Variants in NBAS observed in about 807,000 individuals in gnomAD.
The protein encoded by NBAS is NAG/BC035112 fusion.
In NBAS, 219 loss-of-function variants were observed where a neutral mutation model predicts 302.5. That is an observed-to-expected ratio of 0.72 (90% CI 0.65 to 0.81). The LOEUF (loss-of-function observed/expected upper bound fraction) is 0.81, where lower values mean the gene tolerates loss of function less well. Among genes scored for constraint, NBAS ranks in the 30% least tolerant of loss-of-function variants. NBAS has a pLI of 0.00. For synonymous variants in NBAS, 1,118 were observed against 1,021.6 expected (o/e 1.09, Z -1.80); for missense variants, 2,932 against 2,841.6 (o/e 1.03, Z -0.72).
chr2:15,535,682 G>A (rs549940547), intron 8 of NBAS, among the ~76,000 whole-genome samples: 37 of 152,074 alleles, frequency 2.4e-4, no homozygotes, highest in African/African-American at 8.7e-4. Flanking sequence ...TAAATGCTAT[G>A]TAAATAGTAG....
At chr2:15,212,949 C>A (rs1371471306) in intron 48 of NBAS, among the ~76,000 whole-genome samples, 1 of 152,118 alleles carries the variant, frequency 6.6e-6, no homozygotes, top group African/African-American at 2.4e-5. Flanking sequence ...GGTATCTAAA[C>A]CTTTAGGGTA....
intron 9 of NBAS, among the ~76,000 whole-genome samples, chr2:15,528,401 T>A (rs13382647): frequency 1.4e-5 from 2 of 147,920 alleles, no homozygotes; most frequent in Non-Finnish European, 1.5e-5. Context: ...ACAATATGAA[T>A]GTTTATATTA....
chr2:15,176,878 C>A (rs934665350), intron 51 of NBAS, among the ~76,000 whole-genome samples: 1 of 152,024 alleles, frequency 6.6e-6, no homozygotes, highest in African/African-American at 2.4e-5. Flanking sequence ...TACAACTGAA[C>A]GTGAATTTAA....
chr2:15,106,061 G>A, the NBAS span, among the ~76,000 whole-genome samples: 21 of 152,178 alleles, frequency 1.4e-4, no homozygotes, highest in Non-Finnish European at 2.2e-4. Context: ...TAAATCAGTC[G>A]ATAAACGAAA....
At position 15,190,268 on chromosome 2, in the gene NBAS, A is replaced by C; in HGVS notation, c.6568T>G (p.Tyr2190Asp). The change falls in exon 49 of 52, where the codon TAT becomes GAT. Residue 2190 changes from tyrosine (Y) to aspartate (D), a missense_variant. Tyr to Asp is a radical substitution (Grantham distance 160, BLOSUM62 -3). Coordinates refer to ENST00000281513, the MANE Select transcript of NBAS (RefSeq NM_015909.4). ...LQAWPPMKSE[Y>D]VITNNPWVRL... ...TAATTTTATGTTAATACTTACACAT[A>C]TTCACTTTTCATAGGTGGCCAAGCT... is the stretch of plus-strand genomic sequence containing the variant. 1.2e-6 allele frequency: 2 copies of C among 1,613,914 alleles called. No homozygotes were observed. Among genetic ancestry groups the C allele is most frequent in the Non-Finnish European group, 1.7e-6 (2 of 1,179,870 alleles).
chr2:14,848,074 G>T, the NBAS span, among the ~76,000 whole-genome samples: 1 of 152,124 alleles, frequency 6.6e-6, no homozygotes, highest in African/African-American at 2.4e-5. Flanking sequence ...AGGGGGAGGA[G>T]CCAAGATGGC....
the NBAS span, among the ~76,000 whole-genome samples, chr2:14,822,872 A>G: frequency 6.6e-6 from 1 of 152,200 alleles, no homozygotes; most frequent in Non-Finnish European, 1.5e-5. Flanking sequence ...GCACCAGACA[A>G]TATGCTAAAT....
the NBAS span, among the ~76,000 whole-genome samples, chr2:15,081,762 A>G: frequency 4.4e-4 from 67 of 152,176 alleles, 1 homozygote; most frequent in Non-Finnish European, 3.5e-4. Flanking sequence ...TGGTCAACCC[A>G]GGTGTGACTC....
At chr2:15,048,002 G>A in the NBAS span, among the ~76,000 whole-genome samples, 1 of 151,206 alleles carries the variant, frequency 6.6e-6, no homozygotes, top group African/African-American at 2.4e-5. Flanking sequence ...AGTCACAATT[G>A]TTTAAGTTTG....
chr2:15,428,929 T>A (rs1018369786), intron 21 of NBAS, among the ~76,000 whole-genome samples: 7 of 151,558 alleles, frequency 4.6e-5, no homozygotes, highest in African/African-American at 1.7e-4. Flanking sequence ...TCCCAGCTAC[T>A]CAGGAGGCTG....
the NBAS span, among the ~76,000 whole-genome samples, chr2:14,916,012 T>C: frequency 6.6e-6 from 1 of 152,178 alleles, no homozygotes; most frequent in African/African-American, 2.4e-5. Flanking sequence ...AAACTCTTTC[T>C]TTTGTAAATT....
In NBAS at chr2:15,218,768, C is replaced by T; in HGVS notation, c.6432+5G>A. On this transcript the variant is annotated splice_donor_5th_base_variant and intron_variant, in intron 48 of 51. Transcript: ENST00000281513. ...AGAAAAATAATCATTCAGACACTCCCTTACCTGTCTCTGGGGCCAGGAGGC... is the reference window on the plus strand; with the variant it reads ...AGAAAAATAATCATTCAGACACTCCTTTACCTGTCTCTGGGGCCAGGAGGC... 1.2e-6 allele frequency: 2 copies of T among 1,614,222 alleles called. No homozygotes were observed. Among genetic ancestry groups the T allele is most frequent in the South Asian group, 2.2e-5 (2 of 91,072 alleles).
At chr2:14,848,609 C>T in the NBAS span, among the ~76,000 whole-genome samples, 1 of 140,120 alleles carries the variant, frequency 7.1e-6, no homozygotes, top group African/African-American at 3.2e-5. Flanking sequence ...TCTGTAGGCT[C>T]CACCTCTGGG....
chr2:14,844,117 C>T, the NBAS span, among the ~76,000 whole-genome samples: 1 of 152,052 alleles, frequency 6.6e-6, no homozygotes, highest in Non-Finnish European at 1.5e-5. Context: ...CCCCAGGGAG[C>T]ACAGCTTGTG....
the NBAS span, among the ~76,000 whole-genome samples, chr2:15,128,421 T>C: frequency 2.6e-5 from 4 of 152,260 alleles, no homozygotes; most frequent in African/African-American, 4.8e-5. Flanking sequence ...GGCTAAGGGA[T>C]TGGGCCTCTT....
intron 38 of NBAS, among the ~76,000 whole-genome samples, chr2:15,322,560 A>G (rs1671860470): frequency 6.6e-6 from 1 of 152,190 alleles, no homozygotes; most frequent in South Asian, 2.1e-4. Flanking sequence ...GGAAATCATT[A>G]GCCATTAAAT....
rs142564474 is a variant in NBAS, at chr2:15,378,387, T to C, written c.3590+1215A>G. Among the ~76,000 whole-genome samples the C allele has an allele frequency of 6.8e-3, 1,029 of 152,154 alleles. 12 individuals carry two copies. Among genetic ancestry groups the C allele is most frequent in the African/African-American group, 0.022 (928 of 41,518 alleles). On this transcript the variant is annotated intron_variant, in intron 30 of 51. Transcript: ENST00000281513. Reference sequence around the variant, plus strand: ...GACACTGCAAACGAGAGTTGGAAAATGGCTAGTGGAAGAACAGCAGCGTAT... The same window carrying C: ...GACACTGCAAACGAGAGTTGGAAAACGGCTAGTGGAAGAACAGCAGCGTAT...
At chr2:14,864,430 A>G in the NBAS span, among the ~76,000 whole-genome samples, 27 of 152,158 alleles carry the variant, frequency 1.8e-4, no homozygotes, top group Admixed American at 1.8e-3. Flanking sequence ...TAGGGTAACC[A>G]GGTAGTGGCA....
intron 40 of NBAS, among the ~76,000 whole-genome samples, chr2:15,297,432 G>A (rs867198055): frequency 3.2e-4 from 48 of 152,188 alleles, no homozygotes; most frequent in African/African-American, 1.1e-3. Flanking sequence ...AGGCCCTGGT[G>A]GGAGGTAACT....
Sources: allele counts gnomAD v4.1 joint callset (sites outside exome capture counted in the v4.1 genomes callset), GRCh38; gene constraint gnomAD v4.1.1; transcripts MANE v1.5; gene names NCBI Gene and HGNC (gene_info 2026-07-23, HGNC 2026-07-21).